ADHFE1: variants seen among roughly 807,000 people sequenced by gnomAD.
ADHFE1 encodes alcohol dehydrogenase iron containing 1, also known as hydroxyacid-oxoacid transhydrogenase, mitochondrial.
A neutral mutation model predicts 54.8 loss-of-function variants in ADHFE1; 37 were observed. That is an observed-to-expected ratio of 0.68 (90% CI 0.52 to 0.89). The LOEUF is 0.89. Among genes scored for constraint, ADHFE1 ranks in the 40% least tolerant of loss-of-function variants. ADHFE1 has a pLI of 0.00. For missense variants in ADHFE1, 601 were observed against 591.2 expected, an observed-to-expected ratio of 1.02 and a Z score of -0.17; for synonymous variants, 203 against 229.3, an observed-to-expected ratio of 0.89 and a Z score of 1.04.
chr8:66,459,201 C>A (rs1806752480), intron 12 of ADHFE1, among the ~76,000 whole-genome samples: 1 of 152,012 alleles, frequency 6.6e-6, no homozygotes, highest in South Asian at 2.1e-4. Flanking sequence ...GCATAGACTT[C>A]ATATAATGCT....
rs1187902776 is a variant in ADHFE1, at chr8:66,447,268, A to G, written c.555A>G (p.Pro185=). 6.2e-7 allele frequency: 1 copy of G among 1,612,858 alleles called. No homozygotes were observed. The part of the protein sequence containing the change: ...SVPLKPLIAV[P]TTSGTGSETT... ...ATTAATATTATTTTGTTCAAGTGCC[A>G]ACTACCTCAGGAACCGGGAGTGAAA... is the stretch of plus-strand genomic sequence containing the variant. The change falls in exon 7 of 14, where the codon CCA becomes CCG. Residue 185 remains proline (P), a synonymous_variant. Transcript: ENST00000396623.
In ADHFE1 at chr8:66,438,967, G is replaced by C. The variant is rs1586436531; in HGVS notation, c.60-1195G>C. 2.6e-5 allele frequency among the ~76,000 whole-genome samples: 4 copies of C among 151,930 alleles called. No individual in the cohort carries two copies. The South Asian group carries it at 8.3e-4, about 32-fold the overall frequency. On this transcript the variant is annotated intron_variant, in intron 1 of 13. Coordinates refer to ENST00000396623, the MANE Select transcript of ADHFE1 (RefSeq NM_144650.3). ...TTTGGATTTTTTTTTCCTTCCCTTGGCTCACTTTTCTTGTCATTAGAGGGC... is the reference window on the plus strand; with the variant it reads ...TTTGGATTTTTTTTTCCTTCCCTTGCCTCACTTTTCTTGTCATTAGAGGGC...
At chr8:66,432,596 CGGGCAGGGGACCGCAGGG>C in intron 1 of ADHFE1, 21 bp downstream of exon 1, 1 of 1,297,410 alleles carries the variant, frequency 7.7e-7, no homozygotes, top group East Asian at 3.1e-5. Flanking sequence ...GGCCGGCGGG[CGGGCAGGGGACCGCAGGG>C]TGCCCACGCA....
At chr8:66,458,035 CA>C (rs1280465565) in intron 12 of ADHFE1, among the ~76,000 whole-genome samples, 2 of 152,052 alleles carry the variant, frequency 1.3e-5, no homozygotes, top group African/African-American at 4.8e-5. Context: ...TAAATAATGT[CA>C]ATAATAAGAT....
At chr8:66,453,077 G>A (rs1806385805) in intron 9 of ADHFE1, among the ~76,000 whole-genome samples, 1 of 152,224 alleles carries the variant, frequency 6.6e-6, no homozygotes. Context: ...GGACAGCACA[G>A]CAGCACTTGA....
intron 12 of ADHFE1, among the ~76,000 whole-genome samples, chr8:66,457,870 A>C (rs1806676450): frequency 6.6e-6 from 1 of 152,328 alleles, no homozygotes; most frequent in Admixed American, 6.5e-5. Context: ...TTCGATAATA[A>C]AATGAATCTG....
chr8:66,433,140 C>G (rs780820537), intron 1 of ADHFE1, among the ~76,000 whole-genome samples: 9 of 152,126 alleles, frequency 5.9e-5, no homozygotes, highest in Non-Finnish European at 1.0e-4. Flanking sequence ...ACGCCTGCCT[C>G]CCAGCAGAAA....
At position 66,461,114 on chromosome 8, in the gene ADHFE1, C is replaced by A. The variant is rs77151566; in HGVS notation, c.1320+649C>A. Among the ~76,000 whole-genome samples, 513 of 152,332 alleles carry A rather than the reference C, an allele frequency of 3.4e-3. 3 individuals are homozygous for A. The highest frequency in any genetic ancestry group is 0.012 in the African/African-American group (496 of 41,582). On this transcript the variant is annotated intron_variant, in intron 13 of 13. Transcript: ENST00000396623. ...TGAAGAACTCTGATCCCTCAGTGGA[C>A]CTCTCTTGAGCTAGCACATCAGATC...
intron 1 of ADHFE1, among the ~76,000 whole-genome samples, chr8:66,437,790 C>T (rs1805543017): frequency 6.6e-6 from 1 of 152,166 alleles, no homozygotes; most frequent in African/African-American, 2.4e-5. Context: ...AGAAAAACAG[C>T]ACCAGTGTGG....
chr8:66,447,458 A>G, intron 7 of ADHFE1, 117 bp downstream of exon 7: 1 of 837,804 alleles, frequency 1.2e-6, no homozygotes, highest in East Asian at 2.7e-5. Flanking sequence ...CCAATATTCT[A>G]TAGAAGAGCA....
At chr8:66,447,622 T>A (rs927988766) in intron 7 of ADHFE1, among the ~76,000 whole-genome samples, 1 of 152,216 alleles carries the variant, frequency 6.6e-6, no homozygotes, top group Non-Finnish European at 1.5e-5. Context: ...TACTCACATG[T>A]ACCCTGTAAA....
intron 2 of ADHFE1, among the ~76,000 whole-genome samples, chr8:66,441,456 T>C (rs1433503188): frequency 1.3e-5 from 2 of 152,142 alleles, no homozygotes; most frequent in African/African-American, 2.4e-5. Flanking sequence ...AAGGATGCCT[T>C]TGCACTCAGG....
At chr8:66,433,482 T>A (rs1189720264) in intron 1 of ADHFE1, among the ~76,000 whole-genome samples, 1 of 152,218 alleles carries the variant, frequency 6.6e-6, no homozygotes, top group Non-Finnish European at 1.5e-5. Context: ...ATAGTAACTC[T>A]AATCCTTTCA....
Position 66,460,349 on chromosome 8 carries a change from G to T in ADHFE1, c.1204G>T (p.Val402Leu). 1 of 1,614,210 alleles carries T rather than the reference G, an allele frequency of 6.2e-7. No individual in the cohort carries two copies. The highest frequency in any genetic ancestry group is 8.5e-7 in the Non-Finnish European group (1 of 1,180,038). The part of the protein sequence containing the change: ...RTARIQDAGL[V>L]LADTLRKFLF... Reference sequence around the variant, plus strand: ...TGCCAGGATCCAAGATGCAGGGCTGGTGTTGGCAGACACGCTCCGGAAATT... The same window carrying T: ...TGCCAGGATCCAAGATGCAGGGCTGTTGTTGGCAGACACGCTCCGGAAATT... Residue 402 changes from valine (V) to leucine (L), a missense_variant, in exon 13 of 14, where the codon GTG becomes TTG. Coordinates refer to ENST00000396623, the MANE Select transcript of ADHFE1 (RefSeq NM_144650.3).
intron 13 of ADHFE1, among the ~76,000 whole-genome samples, chr8:66,463,487 C>T (rs1241994220): frequency 6.6e-6 from 1 of 152,074 alleles, no homozygotes; most frequent in Non-Finnish European, 1.5e-5. Flanking sequence ...TTAAACTAGC[C>T]CTAGGTTCAT....
intron 1 of ADHFE1, among the ~76,000 whole-genome samples, chr8:66,434,816 G>A (rs1315013009): frequency 6.6e-6 from 1 of 152,216 alleles, no homozygotes; most frequent in Non-Finnish European, 1.5e-5. Flanking sequence ...GTCACATTCC[G>A]TCTCCAGATG....
At chr8:66,448,740 C>G (rs1806155881) in intron 7 of ADHFE1, 125 bp from the exon 8 acceptor site, 1 of 879,210 alleles carries the variant, frequency 1.1e-6, no homozygotes, top group Non-Finnish European at 1.8e-6. Context: ...CTTACTGCCT[C>G]ACTACATGAA....
chr8:66,456,928 T>C (rs748931326), intron 11 of ADHFE1, 33 bp downstream of exon 11: 20 of 1,451,912 alleles, frequency 1.4e-5, no homozygotes, highest in Non-Finnish European at 1.8e-5. Context: ...TTTAATTAAA[T>C]ATTATAATCA....
intron 7 of ADHFE1, 29 bp downstream of exon 7, chr8:66,447,370 C>T: frequency 6.6e-7 from 1 of 1,523,330 alleles, no homozygotes; most frequent in Non-Finnish European, 9.1e-7. Flanking sequence ...AATTATCTCC[C>T]TTACCTTTCA....
Sources: allele counts gnomAD v4.1 joint callset (sites outside exome capture counted in the v4.1 genomes callset), GRCh38; gene constraint gnomAD v4.1.1; transcripts MANE v1.5; gene names NCBI Gene and HGNC (gene_info 2026-07-23, HGNC 2026-07-21).